The following NCCRP1 variants were observed in gnomAD, a reference collection of about 807,000 sequenced individuals.
NCCRP1 encodes F-box only protein 50.
Under a neutral mutation model 34.4 loss-of-function variants are expected in NCCRP1, and 32 were observed. The ratio of observed to expected loss-of-function variants is 0.93; its 90% CI spans 0.70 to 1.25. The LOEUF (loss-of-function observed/expected upper bound fraction) is 1.25. NCCRP1 is among the 50% of genes most tolerant of loss of function. NCCRP1 has a pLI of 0.00. For synonymous variants in NCCRP1, 172 were observed against 180.1 expected (o/e 0.95, Z 0.36); for missense variants, 372 against 391.8 (o/e 0.95, Z 0.43).
chr19:39,197,308 C>A lies in NCCRP1; in HGVS notation c.326C>A (p.Pro109His). Residue 109 changes from proline to histidine, a missense_variant, in exon 1 of 6, where the codon CCC (proline) becomes CAC (histidine). Pro to His is a moderately conservative substitution (Grantham distance 77). Coordinates refer to ENST00000339852, the MANE Select transcript of NCCRP1 (RefSeq NM_001001414.2). ...RPLYRNLLRS[P>H]NPEGINIYEP... ...CTCTACCGCAACCTGCTGCGCTCGC[C>A]CAACCCCGAAGGTGCGCAAGGGCCC... 6.8e-7 allele frequency: 1 copy of A among 1,469,068 alleles called. No homozygotes were observed. The highest frequency in any genetic ancestry group is 2.6e-5 in the Admixed American group (1 of 39,148). 91.0% of individuals were successfully genotyped at this position (1,469,068 alleles called of 1,614,324 possible).
In NCCRP1 at chr19:39,200,784, C is replaced by A. The variant is rs1179214747; in HGVS notation, c.*28C>A. 2 of 1,597,318 alleles carry A rather than the reference C, an allele frequency of 1.3e-6. No individual in the cohort carries two copies. The highest frequency in any genetic ancestry group is 1.1e-5 in the South Asian group (1 of 90,208). On this transcript the variant is annotated 3_prime_UTR_variant, in exon 6 of 6. Coordinates refer to ENST00000339852, the MANE Select transcript of NCCRP1 (RefSeq NM_001001414.2). This position sits in a 1 kb window ranked among gnomAD's most constrained non-coding sequence, Gnocchi z 5.8. Reference sequence around the variant, plus strand: ...GGCTGGCTCCTCTGTCCTGACCCCACAGCACCTCCCTGACCTTTAGGAGCC... The same window carrying A: ...GGCTGGCTCCTCTGTCCTGACCCCAAAGCACCTCCCTGACCTTTAGGAGCC...
chr19:39,200,497 G>A lies in NCCRP1; in HGVS notation c.687+13G>A, dbSNP rs1284429389. 11 of 1,611,904 alleles carry A rather than the reference G, an allele frequency of 6.8e-6. No individual in the cohort carries two copies. Among genetic ancestry groups the A allele is most frequent in the African/African-American group, 1.3e-5 (1 of 75,020 alleles). On this transcript the variant is annotated intron_variant, in intron 5 of 5. Coordinates refer to ENST00000339852, the MANE Select transcript of NCCRP1 (RefSeq NM_001001414.2). This position sits in a 1 kb window ranked among gnomAD's most constrained non-coding sequence, Gnocchi z 5.8. ...CCGCTGGGTCCAGGTGAGACTCTCC[G>A]CGCCGGGGCCCTCAACCCCAGACGT...
At chr19:39,198,285 C>T (rs1196245424) in intron 3 of NCCRP1, 32 bp downstream of exon 3, 6 of 1,609,012 alleles carry the variant, frequency 3.7e-6, no homozygotes, top group Admixed American at 1.7e-5. Flanking sequence ...GGCTTACACT[C>T]CATTCCCTGC....
Position 39,200,166 on chromosome 19 carries a change from G to A in NCCRP1, c.549-180G>A, listed in dbSNP as rs931716449. On this transcript the variant is annotated intron_variant, in intron 4 of 5. Coordinates refer to ENST00000339852, the MANE Select transcript of NCCRP1 (RefSeq NM_001001414.2). This position sits in a 1 kb window ranked among gnomAD's most constrained non-coding sequence, Gnocchi z 5.8. Reference sequence around the variant, plus strand: ...ATGCCTGCCTCCCTCACTGGACTGTGAATCCCATGTGGCAGGGTGTGGGGC... The same window carrying A: ...ATGCCTGCCTCCCTCACTGGACTGTAAATCCCATGTGGCAGGGTGTGGGGC... Among the ~76,000 whole-genome samples, 5 of 152,202 alleles carry A rather than the reference G, an allele frequency of 3.3e-5. No individual in the cohort carries two copies. The highest frequency in any genetic ancestry group is 1.2e-4 in the African/African-American group (5 of 41,452).
Position 39,198,050 on chromosome 19 carries a change from C to A in NCCRP1, c.338-3C>A. The A allele has an allele frequency of 6.2e-7, 1 of 1,613,514 alleles. No individual in the cohort carries two copies. The highest frequency in any genetic ancestry group is 8.5e-7 in the Non-Finnish European group (1 of 1,179,910). On this transcript the variant is annotated splice_region_variant and splice_polypyrimidine_tract_variant and intron_variant, in intron 1 of 5. Coordinates refer to ENST00000339852, the MANE Select transcript of NCCRP1 (RefSeq NM_001001414.2). Reference sequence around the variant, plus strand: ...AGAGGCTCCACTCACCTGTCCATTTCAGGCATCAACATTTATGAGCCAGCA... The same window carrying A: ...AGAGGCTCCACTCACCTGTCCATTTAAGGCATCAACATTTATGAGCCAGCA...
Position 39,200,719 on chromosome 19 carries a change from T to C in NCCRP1, c.791T>C (p.Val264Ala), listed in dbSNP as rs750500854. 106 of 1,613,556 alleles carry C rather than the reference T, an allele frequency of 6.6e-5. 3 individuals are homozygous for C. The South Asian group carries it at 9.8e-4, about 15-fold the overall frequency. ...MEPGGLRRTR[V>A]TDSSVSVQLR... Reference sequence around the variant, plus strand: ...CCTGGTGGGCTGCGGCGGACACGGGTGACCGACTCCTCCGTGTCTGTGCAG... The same window carrying C: ...CCTGGTGGGCTGCGGCGGACACGGGCGACCGACTCCTCCGTGTCTGTGCAG... Residue 264 changes from valine to alanine, a missense_variant, in exon 6 of 6, where the codon GTG (valine) becomes GCG (alanine). Physicochemically the swap from Val to Ala is moderately conservative, Grantham distance 64 (BLOSUM62 0). Transcript: ENST00000339852. This position sits in a 1 kb window ranked among gnomAD's most constrained non-coding sequence, Gnocchi z 5.8.
Position 39,198,074 on chromosome 19 carries a change from C to T in NCCRP1, c.359C>T (p.Ala120Val), listed in dbSNP as rs759878082. The part of the protein sequence containing the change: ...NPEGINIYEP[A>V]PPTGPTQRPL... The stretch of plus-strand genomic sequence containing the variant: ...TCAGGCATCAACATTTATGAGCCAG[C>T]ACCCCCTACTGGTCCCACCCAGCGA... The change falls in exon 2 of 6, where the codon GCA becomes GTA. Residue 120 changes from alanine (A) to valine (V), a missense_variant. By Grantham distance (64) the Ala-to-Val change is moderately conservative. Transcript: ENST00000339852. 6.2e-7 allele frequency: 1 copy of T among 1,614,012 alleles called. No individual in the cohort carries two copies. The highest frequency in any genetic ancestry group is 1.1e-5 in the South Asian group (1 of 91,074).
intron 1 of NCCRP1, 82 bp downstream of exon 1, chr19:39,197,401 C>T (rs1257495509): frequency 8.6e-7 from 1 of 1,157,788 alleles, no homozygotes; most frequent in African/African-American, 1.6e-5. Context: ...TATCTCTCTA[C>T]CTCTTTGTCT....
chr19:39,199,509 CTTTTTTTTTTT>C (rs150534648), intron 4 of NCCRP1, among the ~76,000 whole-genome samples: 1 of 67,866 alleles, frequency 1.5e-5, no homozygotes, highest in Non-Finnish European at 2.5e-5. Context: ...TTTTTTCTTT[CTTTTTTTTTTT>C]TTTTTTTTTT....
At chr19:39,198,363 T>C in intron 3 of NCCRP1, 110 bp downstream of exon 3, 2 of 1,177,692 alleles carry the variant, frequency 1.7e-6, no homozygotes. Context: ...TTTCCTGCTC[T>C]GTAAACAGGG....
At position 39,200,984 on chromosome 19, in the gene NCCRP1, A is replaced by G; in HGVS notation, c.*228A>G. ...TTCAGTGCCCGACAGATGCTCTGGCACAGATGCTTTGTAGATCTCTGTTGA... is the reference window on the plus strand; with the variant it reads ...TTCAGTGCCCGACAGATGCTCTGGCGCAGATGCTTTGTAGATCTCTGTTGA... On this transcript the variant is annotated 3_prime_UTR_variant, in exon 6 of 6. Transcript: ENST00000339852. This position sits in a 1 kb window ranked among gnomAD's most constrained non-coding sequence, Gnocchi z 5.8. 2.2e-5 allele frequency: 12 copies of G among 544,518 alleles called. No homozygotes were observed. The South Asian group carries it at 2.9e-4, about 13-fold the overall frequency. 33.7% of individuals were successfully genotyped at this position (544,518 alleles called of 1,614,324 possible). A position where few individuals can be genotyped will look rare whatever the true frequency, so the allele number is the denominator to read the frequency against.
intron 2 of NCCRP1, 33 bp from the exon 3 acceptor site, chr19:39,198,169 G>T: frequency 6.2e-7 from 1 of 1,614,136 alleles, no homozygotes; most frequent in South Asian, 1.1e-5. Flanking sequence ...TCCAGCGTTG[G>T]GGTGTCCTAA....
At chr19:39,199,001 G>T (rs1034229119) in intron 3 of NCCRP1, among the ~76,000 whole-genome samples, 169 bp from the exon 4 acceptor site, 5 of 152,186 alleles carry the variant, frequency 3.3e-5, no homozygotes, top group Admixed American at 2.6e-4. Flanking sequence ...TGGGGTTCAG[G>T]ATGCATTGCC....
In NCCRP1 at chr19:39,200,719, T is replaced by G. The variant is rs750500854; in HGVS notation, c.791T>G (p.Val264Gly). ...CCTGGTGGGCTGCGGCGGACACGGGTGACCGACTCCTCCGTGTCTGTGCAG... is the reference window on the plus strand; with the variant it reads ...CCTGGTGGGCTGCGGCGGACACGGGGGACCGACTCCTCCGTGTCTGTGCAG... The part of the protein sequence containing the change: ...MEPGGLRRTR[V>G]TDSSVSVQLR... The change falls in exon 6 of 6, where the codon GTG (valine) becomes GGG (glycine). Residue 264 changes from valine to glycine, a missense_variant. Physicochemically the swap from Val to Gly is moderately radical, Grantham distance 109. Coordinates refer to ENST00000339852, the MANE Select transcript of NCCRP1 (RefSeq NM_001001414.2). The surrounding 1 kb of genome is among the most constrained non-coding windows in gnomAD (Gnocchi z 5.8). 6.2e-7 allele frequency: 1 copy of G among 1,613,556 alleles called. No homozygotes were observed. Among genetic ancestry groups the G allele is most frequent in the Admixed American group, 1.7e-5 (1 of 60,018 alleles).
chr19:39,198,276 G>A, intron 3 of NCCRP1, 23 bp downstream of exon 3: 1 of 1,613,064 alleles, frequency 6.2e-7, no homozygotes, highest in South Asian at 1.1e-5. Flanking sequence ...GGCCAGTGTG[G>A]CTTACACTCC....
rs1205131957 is a variant in NCCRP1 at position 39,197,275 on chromosome 19, G to A, written c.293G>A (p.Arg98Gln). Residue 98 changes from arginine (R) to glutamine (Q), a missense_variant, in exon 1 of 6, where the codon CGG (arginine) becomes CAG (glutamine). Transcript: ENST00000339852. ...QRLTWKLLLL[R>Q]RPLYRNLLRS... ...CTCACCTGGAAGCTGCTCCTGTTGC[G>A]GCGGCCGCTCTACCGCAACCTGCTG... The A allele has an allele frequency of 6.7e-7, 1 of 1,492,706 alleles. No homozygotes were observed. Among genetic ancestry groups the A allele is most frequent in the Middle Eastern group, 1.8e-4 (1 of 5,448 alleles). 92.5% of individuals were successfully genotyped at this position (1,492,706 alleles called of 1,614,324 possible).
In NCCRP1 at chr19:39,200,425, G is replaced by A. The variant is rs1343564413; in HGVS notation, c.628G>A (p.Ala210Thr). The A allele has an allele frequency of 6.2e-7, 1 of 1,613,550 alleles. No homozygotes were observed. Among genetic ancestry groups the A allele is most frequent in the African/African-American group, 1.3e-5 (1 of 75,058 alleles). The change falls in exon 5 of 6, where the codon GCT becomes ACT. Residue 210 changes from alanine (A) to threonine (T), a missense_variant. By Grantham distance (58) the Ala-to-Thr change is moderately conservative. Coordinates refer to ENST00000339852, the MANE Select transcript of NCCRP1 (RefSeq NM_001001414.2). The surrounding 1 kb of genome is among the most constrained non-coding windows in gnomAD (Gnocchi z 5.8). The part of the protein sequence containing the change: ...LLAADRRTVI[A>T]QHHVAPRTSG... ...GGCGGCCGACCGCCGCACGGTCATT[G>A]CTCAGCACCACGTGGCCCCCCGAAC...
At position 39,201,431 on chromosome 19, in the gene NCCRP1, C is replaced by T. The variant is rs1600435252; in HGVS notation, c.*675C>T. The T allele has an allele frequency of 6.6e-6, 1 of 151,982 alleles. No homozygotes were observed. The highest frequency in any genetic ancestry group is 1.5e-5 in the Non-Finnish European group (1 of 68,002). 9.4% of individuals were successfully genotyped at this position (151,982 alleles called of 1,614,324 possible). A position where few individuals can be genotyped will look rare whatever the true frequency, so the allele number is the denominator to read the frequency against. Reference sequence around the variant, plus strand: ...GTTCAAGTGGTTCTCCTGCCTCAGCCTCTCAAGTAGCTGGGATTACAGGTG... The same window carrying T: ...GTTCAAGTGGTTCTCCTGCCTCAGCTTCTCAAGTAGCTGGGATTACAGGTG... On this transcript the variant is annotated 3_prime_UTR_variant, in exon 6 of 6. Coordinates refer to ENST00000339852, the MANE Select transcript of NCCRP1 (RefSeq NM_001001414.2).
chr19:39,197,309 C>G lies in NCCRP1; in HGVS notation c.327C>G (p.Pro109=). 9.5e-6 allele frequency: 14 copies of G among 1,468,732 alleles called. No individual in the cohort carries two copies. The highest frequency in any genetic ancestry group is 1.2e-5 in the Non-Finnish European group (13 of 1,121,564). 91.0% of individuals were successfully genotyped at this position (1,468,732 alleles called of 1,614,324 possible). The part of the protein sequence containing the change: ...RPLYRNLLRS[P]NPEGINIYEP... ...TCTACCGCAACCTGCTGCGCTCGCC[C>G]AACCCCGAAGGTGCGCAAGGGCCCA... The change falls in exon 1 of 6, where the codon CCC becomes CCG. Residue 109 remains proline (P), a synonymous_variant. Coordinates refer to ENST00000339852, the MANE Select transcript of NCCRP1 (RefSeq NM_001001414.2).
Sources: gnomAD v4.1 joint callset for allele counts (sites outside exome capture counted in the v4.1 genomes callset) on GRCh38, gnomAD v4.1.1 for gene constraint, Gnocchi (gnomAD v3.1) non-coding constraint, MANE v1.5 for transcripts, NCBI Gene and HGNC (gene_info 2026-07-23, HGNC 2026-07-21) for gene names.